Variants in NAV2 observed in about 807,000 individuals in gnomAD.
NAV2 encodes the protein helicase, APC down-regulated 1.
In NAV2, 54 loss-of-function variants were observed where a neutral mutation model predicts 223.2. The observed-to-expected ratio is 0.24, with a 90% CI of 0.19 to 0.30. NAV2 has a LOEUF of 0.30. Among genes scored for constraint, NAV2 ranks in the 10% least tolerant of loss-of-function variants. The pLI is 1.00. For missense variants in NAV2, 2,806 were observed against 3,147.5 expected, an observed-to-expected ratio of 0.89 and a Z score of 2.60; for synonymous variants, 1,279 against 1,239.3, an observed-to-expected ratio of 1.03 and a Z score of -0.67.
At chr11:19,756,581 G>C (rs563007115) in intron 1 of NAV2, among the ~76,000 whole-genome samples, 3 of 152,312 alleles carry the variant, frequency 2.0e-5, no homozygotes, top group South Asian at 2.1e-4. Context: ...ATGCCTTGTT[G>C]CTTTATTAAG....
At position 19,823,925 on chromosome 11, in the gene NAV2, CAAGAA is replaced by C. The variant is rs750282959; in HGVS notation, c.268-8546_268-8542del. Among the ~76,000 whole-genome samples the C allele has an allele frequency of 1.3e-4, 20 of 151,614 alleles. 1 individual carries two copies. The highest frequency in any genetic ancestry group is 2.2e-4 in the African/African-American group (9 of 41,204). The stretch of plus-strand genomic sequence containing the variant: ...AGAACTTAAAGTATTAAAAAAAAGA[CAAGAA>C]AAGAAAAGAAAAAGTGCAATTGTGT... On this transcript the variant is annotated intron_variant, in intron 1 of 37. Coordinates refer to ENST00000349880, the MANE Select transcript of NAV2 (RefSeq NM_145117.5).
intron 11 of NAV2, among the ~76,000 whole-genome samples, chr11:20,001,643 G>A (rs1276098962): frequency 6.8e-6 from 1 of 146,382 alleles, no homozygotes; most frequent in African/African-American, 2.5e-5. Flanking sequence ...CTCATAGGTG[G>A]GAATTGAACA....
intron 2 of NAV2, among the ~76,000 whole-genome samples, chr11:19,840,691 G>T (rs1360262703): frequency 6.6e-6 from 1 of 152,022 alleles, no homozygotes; most frequent in Admixed American, 6.6e-5. Flanking sequence ...TGGTTTTTTT[G>T]GACTTTAGTA....
intron 1 of NAV2, among the ~76,000 whole-genome samples, chr11:19,377,375 A>G (rs1052335641): frequency 2.9e-4 from 44 of 152,260 alleles, no homozygotes; most frequent in South Asian, 1.5e-3. Flanking sequence ...CATCTTGTCC[A>G]TCTGCTAGCC....
chr11:19,427,369 T>C (rs1216691593), intron 1 of NAV2, among the ~76,000 whole-genome samples: 2 of 152,216 alleles, frequency 1.3e-5, no homozygotes, highest in East Asian at 3.8e-4. Context: ...TTCTTTCTTT[T>C]AATAAGAAAT....
intron 8 of NAV2, 144 bp downstream of exon 8, chr11:19,939,917 T>TA: frequency 1.9e-6 from 1 of 539,382 alleles, no homozygotes. Context: ...CTTTCTTTTT[T>TA]TTTTTCCTAT....
At chr11:19,352,244 C>T (rs578066881) in intron 1 of NAV2, among the ~76,000 whole-genome samples, 12 of 152,234 alleles carry the variant, frequency 7.9e-5, no homozygotes, top group Non-Finnish European at 1.0e-4. Flanking sequence ...CCTATTTCTA[C>T]GGAAGCTTTC....
rs961064627 is a variant in NAV2, at chr11:19,374,508, A to C, written c.75+23481A>C. Among the ~76,000 whole-genome samples the C allele has an allele frequency of 6.6e-5, 10 of 152,230 alleles. No individual in the cohort carries two copies. In the East Asian group the frequency reaches 1.9e-3, roughly 29 times the overall value. On this transcript the variant is annotated intron_variant, in intron 1 of 37. Transcript: ENST00000360655. Reference sequence around the variant, plus strand: ...ACACATAGTTGAGACATCCTCAGTCACTCACATACTTTAGCAGAAACTAAT... The same window carrying C: ...ACACATAGTTGAGACATCCTCAGTCCCTCACATACTTTAGCAGAAACTAAT...
chr11:19,960,137 G>A (rs1186112536), intron 10 of NAV2, among the ~76,000 whole-genome samples: 1 of 152,196 alleles, frequency 6.6e-6, no homozygotes, highest in Non-Finnish European at 1.5e-5. Context: ...ATGGACAAGA[G>A]GAGGAGTCGG....
chr11:19,386,547 A>C (rs1209826854), intron 1 of NAV2, among the ~76,000 whole-genome samples: 5 of 152,218 alleles, frequency 3.3e-5, no homozygotes, highest in African/African-American at 9.6e-5. Flanking sequence ...AGCGGGAGAC[A>C]GTGGGGAGCC....
intron 1 of NAV2, among the ~76,000 whole-genome samples, chr11:19,372,909 G>T (rs1253381277): frequency 6.6e-6 from 1 of 152,194 alleles, no homozygotes; most frequent in African/African-American, 2.4e-5. Flanking sequence ...CCAGATGGGA[G>T]AATATTGTTT....
chr11:19,615,458 T>A (rs916819854), intron 1 of NAV2, among the ~76,000 whole-genome samples: 4 of 152,058 alleles, frequency 2.6e-5, no homozygotes, highest in Admixed American at 6.5e-5. Flanking sequence ...GCCTCACCAC[T>A]GTTTTGCGTT....
chr11:19,706,510 T>C (rs1024264540), intron 1 of NAV2, among the ~76,000 whole-genome samples: 1 of 152,236 alleles, frequency 6.6e-6, no homozygotes, highest in Non-Finnish European at 1.5e-5. Context: ...ATTGGTTATA[T>C]TGTTTGTCAT....
rs530944508 is a variant in NAV2 at position 20,052,324 on chromosome 11, G to T, written c.4481+991G>T. On this transcript the variant is annotated intron_variant, in intron 17 of 37. Transcript: ENST00000349880. Reference sequence around the variant, plus strand: ...CAATGGGATCCTCTGAGTAAAGCCAGTTCTAAGAATCTAAGAAGGAAAGTA... The same window carrying T: ...CAATGGGATCCTCTGAGTAAAGCCATTTCTAAGAATCTAAGAAGGAAAGTA... Among the ~76,000 whole-genome samples the T allele has an allele frequency of 2.0e-5, 3 of 152,362 alleles. 1 individual carries two copies. The South Asian group carries it at 6.2e-4, about 32-fold the overall frequency.
At chr11:19,883,146 T>G (rs960210027) in intron 5 of NAV2, among the ~76,000 whole-genome samples, 1 of 152,354 alleles carries the variant, frequency 6.6e-6, no homozygotes, top group Middle Eastern at 3.4e-3. Context: ...GTTAGAACTC[T>G]GCCTAAAAAC....
At chr11:19,987,733 TA>T (rs2050925055) in intron 11 of NAV2, among the ~76,000 whole-genome samples, 1 of 152,216 alleles carries the variant, frequency 6.6e-6, no homozygotes. Context: ...ATGAAGATAG[TA>T]AAGTGTGCCC....
intron 1 of NAV2, among the ~76,000 whole-genome samples, chr11:19,627,284 A>T (rs953824248): frequency 6.6e-6 from 1 of 152,132 alleles, no homozygotes; most frequent in Non-Finnish European, 1.5e-5. Flanking sequence ...GGTACTCAGG[A>T]GGCTGAGGCA....
chr11:19,536,497 C>A (rs1383659454), intron 1 of NAV2, among the ~76,000 whole-genome samples: 2 of 152,192 alleles, frequency 1.3e-5, no homozygotes, highest in African/African-American at 4.8e-5. Flanking sequence ...CACCCCACAC[C>A]GTGAATCACA....
intron 11 of NAV2, among the ~76,000 whole-genome samples, chr11:19,991,289 C>A (rs1217419444): frequency 6.6e-6 from 1 of 152,072 alleles, no homozygotes; most frequent in Non-Finnish European, 1.5e-5. Flanking sequence ...CTGCACCCGG[C>A]TAATTTTTGC....
Sources: allele counts gnomAD v4.1 joint callset (sites outside exome capture counted in the v4.1 genomes callset), GRCh38; gene constraint gnomAD v4.1.1; transcripts MANE v1.5; gene names NCBI Gene and HGNC (gene_info 2026-07-23, HGNC 2026-07-21).